ATP6V0A1: variants seen among roughly 807,000 people sequenced by gnomAD.
ATP6V0A1 encodes V-type proton ATPase 116 kDa subunit a 1.
ATP6V0A1 carries 43 observed loss-of-function variants against 105.4 expected under a neutral mutation model. The ratio of observed to expected loss-of-function variants is 0.41; its 90% CI spans 0.32 to 0.53. The LOEUF is 0.53. Among genes scored for constraint, ATP6V0A1 ranks in the 20% least tolerant of loss-of-function variants. ATP6V0A1 has a pLI of 0.30. For synonymous variants in ATP6V0A1, 362 were observed against 372.8 expected (o/e 0.97, Z 0.33); for missense variants, 676 against 1,051.1 (o/e 0.64, Z 4.93).
chr17:42,508,577 C>A lies in ATP6V0A1; in HGVS notation c.2118C>A (p.Ser706=), dbSNP rs558493432. ...TGTAAATTTGTGTTTTCAAGCCTTC[C>A]GAGGACGAAGTGGTAAGATGAAAGC... The part of the protein sequence containing the change: ...STHSEDADEP[S]EDEVFDFGDT... The change falls in exon 19 of 22, where the codon TCC becomes TCA. Residue 706 remains serine (S), a synonymous_variant. Coordinates refer to ENST00000343619, the MANE Select transcript of ATP6V0A1 (RefSeq NM_001130021.3). 3.5e-5 allele frequency: 57 copies of A among 1,613,812 alleles called. No individual in the cohort carries two copies. Among genetic ancestry groups the A allele is most frequent in the Non-Finnish European group, 4.1e-5 (48 of 1,179,902 alleles).
intron 5 of ATP6V0A1, among the ~76,000 whole-genome samples, chr17:42,474,324 C>CT (rs79615709): frequency 0.024 from 3,459 of 146,544 alleles, 120 homozygotes; most frequent in African/African-American, 0.08. Flanking sequence ...TTATTCAAAA[C>CT]TTTTTTTTTT....
intron 5 of ATP6V0A1, among the ~76,000 whole-genome samples, chr17:42,475,640 A>T (rs1027202221): frequency 6.6e-6 from 1 of 152,146 alleles, no homozygotes; most frequent in Admixed American, 6.6e-5. Context: ...CTGCTCTAAG[A>T]TTTAGATACT....
At chr17:42,464,204 T>C (rs1375092670) in intron 2 of ATP6V0A1, among the ~76,000 whole-genome samples, 1 of 152,206 alleles carries the variant, frequency 6.6e-6, no homozygotes, top group Non-Finnish European at 1.5e-5. Context: ...TTACTTCCTT[T>C]TTAATAGCAT....
At position 42,470,206 on chromosome 17, in the gene ATP6V0A1, A is replaced by G; in HGVS notation, c.411A>G (p.Gln137=). 6.2e-7 allele frequency: 1 copy of G among 1,613,150 alleles called. No individual in the cohort carries two copies. Among genetic ancestry groups the G allele is most frequent in the East Asian group, 2.2e-5 (1 of 44,818 alleles). Residue 137 remains glutamine, a synonymous_variant, in exon 5 of 22, where the codon CAA becomes CAG. Coordinates refer to ENST00000343619, the MANE Select transcript of ATP6V0A1 (RefSeq NM_001130021.3). ...ELKFILRKTQ[Q]FFDEMADPDL... is the part of the protein sequence containing the mutation. ...AATTTATACTTCGCAAAACTCAGCA[A>G]TTTTTTGATGAGGTCAGACTATTGT... is the stretch of plus-strand genomic sequence containing the variant.
intron 19 of ATP6V0A1, among the ~76,000 whole-genome samples, chr17:42,512,687 T>C (rs1237022335): frequency 1.3e-5 from 2 of 152,250 alleles, no homozygotes; most frequent in Non-Finnish European, 2.9e-5. Flanking sequence ...GCCTGGGCTG[T>C]TGTGGCTTTA....
rs199502315 is a variant in ATP6V0A1, at chr17:42,477,752, A to T, written c.506+10A>T. ...CTCCTTTAAGACTTGGGTAAGTGCC[A>T]TGTCAACTTTTCGGTATTCAGTGGG... On this transcript the variant is annotated intron_variant, in intron 6 of 21. Coordinates refer to ENST00000343619, the MANE Select transcript of ATP6V0A1 (RefSeq NM_001130021.3). 1.2e-6 allele frequency: 2 copies of T among 1,604,612 alleles called. No individual in the cohort carries two copies. The highest frequency in any genetic ancestry group is 1.3e-5 in the African/African-American group (1 of 74,756).
At chr17:42,475,526 T>A (rs2088615887) in intron 5 of ATP6V0A1, among the ~76,000 whole-genome samples, 2 of 148,590 alleles carry the variant, frequency 1.3e-5, no homozygotes, top group South Asian at 2.1e-4. Flanking sequence ...TTTTTTGGAA[T>A]TTTTTTTTTT....
chr17:42,472,200 C>G (rs1340267930), intron 5 of ATP6V0A1, among the ~76,000 whole-genome samples: 2 of 151,600 alleles, frequency 1.3e-5, no homozygotes, highest in Non-Finnish European at 2.9e-5. Context: ...ATTACAGGTG[C>G]TCACCACCAC....
In ATP6V0A1 at chr17:42,515,294, C is replaced by CCGT. The variant is rs1256895180; in HGVS notation, c.2420+836_2420+838dup. 4.6e-5 allele frequency among the ~76,000 whole-genome samples: 7 copies of CCGT among 151,386 alleles called. No homozygotes were observed. In the East Asian group the frequency reaches 1.4e-3, roughly 30 times the overall value. On this transcript the variant is annotated intron_variant, in intron 21 of 21. Transcript: ENST00000343619. The stretch of plus-strand genomic sequence containing the variant: ...CCAGCCTGGCCAACATGGTAAAACC[C>CCGT]CGTCTCTACTAAATATACAAAAATT...
chr17:42,467,876 A>G (rs912943302), intron 3 of ATP6V0A1, 134 bp from the exon 4 acceptor site: 4 of 228,744 alleles, frequency 1.7e-5, no homozygotes, highest in Non-Finnish European at 2.6e-5. Flanking sequence ...TATATCTTTT[A>G]TATATATATA....
At chr17:42,495,271 C>G in intron 13 of ATP6V0A1, 83 bp downstream of exon 13, 2 of 1,449,624 alleles carry the variant, frequency 1.4e-6, no homozygotes, top group Non-Finnish European at 1.9e-6. Flanking sequence ...TAAACTGACA[C>G]TTCTTTAGGA....
chr17:42,490,508 C>G lies in ATP6V0A1; in HGVS notation c.1045C>G (p.Pro349Ala), dbSNP rs1226222067. 1 of 1,607,382 alleles carries G rather than the reference C, an allele frequency of 6.2e-7. No individual in the cohort carries two copies. Among genetic ancestry groups the G allele is most frequent in the Non-Finnish European group, 8.5e-7 (1 of 1,178,150 alleles). Residue 349 changes from proline (P) to alanine (A), a missense_variant, in exon 11 of 22, where the codon CCT becomes GCT. Physicochemically the swap from Pro to Ala is conservative, Grantham distance 27. Coordinates refer to ENST00000343619, the MANE Select transcript of ATP6V0A1 (RefSeq NM_001130021.3). ...TCAGGAACACAGTGGTTCCACTGTA[C>G]CTTCCATTTTGAACAGGATGCAGAC... is the stretch of plus-strand genomic sequence containing the variant. Reference protein sequence around the residue: ...RGTEHSGSTVPSILNRMQTNQ... With the variant: ...RGTEHSGSTVASILNRMQTNQ...
rs755663014 is a variant in ATP6V0A1 at position 42,501,201 on chromosome 17, G to C, written c.1901G>C (p.Gly634Ala). 1 of 1,612,494 alleles carries C rather than the reference G, an allele frequency of 6.2e-7. No individual in the cohort carries two copies. Among genetic ancestry groups the C allele is most frequent in the South Asian group, 1.1e-5 (1 of 90,950 alleles). The change falls in exon 17 of 22, where the codon GGA (glycine) becomes GCA (alanine). Residue 634 changes from glycine to alanine, a missense_variant. Gly to Ala is a moderately conservative substitution (Grantham distance 60). Around this residue, in one of 3 missense-constraint regions of ATP6V0A1, gnomAD observed 435 missense variants for 642.2 expected, o/e 0.68. Coordinates refer to ENST00000343619, the MANE Select transcript of ATP6V0A1 (RefSeq NM_001130021.3). Reference protein sequence around the residue: ...GYSMLYSGQKGIQCFLVVVAL... With the variant: ...GYSMLYSGQKAIQCFLVVVAL... ...GTCCTTCTTCTTACTCTGCAGAAAGGAATTCAGTGTTTCCTGGTAGTGGTT... is the reference window on the plus strand; with the variant it reads ...GTCCTTCTTCTTACTCTGCAGAAAGCAATTCAGTGTTTCCTGGTAGTGGTT...
chr17:42,494,914 C>T (rs1257633364), intron 12 of ATP6V0A1, 120 bp from the exon 13 acceptor site: 2 of 1,118,512 alleles, frequency 1.8e-6, no homozygotes, highest in African/African-American at 1.6e-5. Context: ...ACTTCAAGCT[C>T]TCTGAATCAG....
intron 9 of ATP6V0A1, among the ~76,000 whole-genome samples, chr17:42,485,933 TA>T (rs1427264298): frequency 6.6e-6 from 1 of 152,200 alleles, no homozygotes; most frequent in Non-Finnish European, 1.5e-5. Flanking sequence ...GCTTTGCTTT[TA>T]AAAACAAAGC....
At chr17:42,463,913 C>T (rs1014064720) in intron 2 of ATP6V0A1, among the ~76,000 whole-genome samples, 6 of 152,130 alleles carry the variant, frequency 3.9e-5, no homozygotes, top group African/African-American at 1.4e-4. Context: ...TTAAGAAAAT[C>T]ATAAGGAAGA....
intron 1 of ATP6V0A1, chr17:42,460,342 C>T (rs2086256497): frequency 6.5e-6 from 1 of 152,752 alleles, no homozygotes; most frequent in Non-Finnish European, 1.5e-5. Flanking sequence ...GTAGCCATAG[C>T]TTTAGGATAG....
intron 19 of ATP6V0A1, 100 bp downstream of exon 19, chr17:42,508,689 C>T: frequency 6.7e-7 from 1 of 1,503,076 alleles, no homozygotes; most frequent in Non-Finnish European, 9.2e-7. Context: ...GGGCCATACA[C>T]ATGACTCCTG....
chr17:42,474,244 A>G (rs891146926), intron 5 of ATP6V0A1, among the ~76,000 whole-genome samples: 1 of 151,716 alleles, frequency 6.6e-6, no homozygotes, highest in Admixed American at 6.6e-5. Context: ...CTCGTGATCT[A>G]GCTGCCTCAG....
Sources: allele counts gnomAD v4.1 joint callset (sites outside exome capture counted in the v4.1 genomes callset), GRCh38; gene constraint gnomAD v4.1.1; regional missense constraint gnomAD v4.1.1; transcripts MANE v1.5; gene names NCBI Gene and HGNC (gene_info 2026-07-23, HGNC 2026-07-21).